EML6: variants seen among roughly 807,000 people sequenced by gnomAD.
The protein encoded by EML6 is EMAP like 6.
Under a neutral mutation model 240.1 loss-of-function variants are expected in EML6, and 154 were observed. The observed-to-expected ratio is 0.64, with a 90% confidence interval of 0.56 to 0.73. The LOEUF (loss-of-function observed/expected upper bound fraction) is 0.73, where lower values mean the gene tolerates loss of function less well. Among genes scored for constraint, EML6 ranks in the 30% least tolerant of loss-of-function variants. EML6 has a pLI of 0.00. For missense variants in EML6, 2,964 were observed against 2,474.6 expected, an observed-to-expected ratio of 1.20 and a Z score of -4.20; for synonymous variants, 1,148 against 899.0, an observed-to-expected ratio of 1.28 and a Z score of -4.95.
At chr2:54,843,865 C>G (rs1400711990) in intron 7 of EML6, among the ~76,000 whole-genome samples, 182 bp from the exon 8 acceptor site, 3 of 140,050 alleles carry the variant, frequency 2.1e-5, no homozygotes, top group South Asian at 4.5e-4. Flanking sequence ...AAAAAAAAAG[C>G]ACAAAGAATG....
chr2:54,746,305 G>A (rs1197877341), intron 2 of EML6, among the ~76,000 whole-genome samples: 2 of 152,198 alleles, frequency 1.3e-5, no homozygotes, highest in Non-Finnish European at 2.9e-5. Context: ...GAAGGTGCAG[G>A]TTGACCATCG....
At chr2:54,794,265 A>T (rs1199754107) in intron 2 of EML6, among the ~76,000 whole-genome samples, 1 of 152,168 alleles carries the variant, frequency 6.6e-6, no homozygotes, top group Non-Finnish European at 1.5e-5. Flanking sequence ...TCAGCTGCCT[A>T]TTCATCTTTA....
At chr2:54,862,090 C>T (rs1670703905) in intron 12 of EML6, among the ~76,000 whole-genome samples, 1 of 151,902 alleles carries the variant, frequency 6.6e-6, no homozygotes, top group East Asian at 1.9e-4. Context: ...AATCCCAGCA[C>T]TTTGGGAGGC....
intron 21 of EML6, among the ~76,000 whole-genome samples, chr2:54,898,342 G>A (rs1263109304): frequency 6.6e-6 from 1 of 152,076 alleles, no homozygotes; most frequent in African/African-American, 2.4e-5. Flanking sequence ...CCACAATCTT[G>A]TTCTTAACTA....
intron 17 of EML6, among the ~76,000 whole-genome samples, chr2:54,888,229 CG>C (rs1300112890): frequency 6.6e-6 from 1 of 152,012 alleles, no homozygotes; most frequent in Non-Finnish European, 1.5e-5. Flanking sequence ...GCAGTGTGGC[CG>C]GGAGACATGA....
intron 17 of EML6, among the ~76,000 whole-genome samples, chr2:54,889,321 C>G (rs888828361): frequency 6.6e-6 from 1 of 151,832 alleles, no homozygotes; most frequent in Non-Finnish European, 1.5e-5. Flanking sequence ...TTGTCTAACT[C>G]CAGATTAAAC....
At chr2:54,793,009 T>G (rs1468516479) in intron 2 of EML6, among the ~76,000 whole-genome samples, 1 of 152,222 alleles carries the variant, frequency 6.6e-6, no homozygotes, top group Non-Finnish European at 1.5e-5. Flanking sequence ...GGCTCTCAAC[T>G]ATAATCTCAG....
At chr2:54,892,988 C>T (rs897144834) in intron 19 of EML6, among the ~76,000 whole-genome samples, 5 of 152,282 alleles carry the variant, frequency 3.3e-5, no homozygotes, top group Middle Eastern at 3.4e-3. Flanking sequence ...GCATTGTCTT[C>T]CTCCTTGGTG....
At chr2:54,849,741 G>A (rs745487665) in intron 9 of EML6, among the ~76,000 whole-genome samples, 3 of 152,198 alleles carry the variant, frequency 2.0e-5, no homozygotes, top group Non-Finnish European at 4.4e-5. Context: ...GTCTGCCTCG[G>A]CCTCCCAAAG....
chr2:54,932,517 C>T lies in EML6; in HGVS notation c.4004+3766C>T, dbSNP rs143843057. Among the ~76,000 whole-genome samples the T allele has an allele frequency of 5.3e-5, 8 of 152,162 alleles. No individual in the cohort carries two copies. In the South Asian group the frequency reaches 6.2e-4, roughly 12 times the overall value. ...AAGTGCCACGCCCCAACCTGACACA[C>T]CTCTTACTCTCAACTTTTGACCTTA... On this transcript the variant is annotated intron_variant, in intron 28 of 41. Transcript: ENST00000356458.
chr2:54,815,011 T>C (rs775851369), intron 3 of EML6, among the ~76,000 whole-genome samples: 5 of 152,234 alleles, frequency 3.3e-5, no homozygotes, highest in Non-Finnish European at 5.9e-5. Context: ...TGTACAAGTA[T>C]AAATGTATGC....
At chr2:54,893,382 A>G (rs1185463355) in intron 19 of EML6, among the ~76,000 whole-genome samples, 1 of 152,142 alleles carries the variant, frequency 6.6e-6, no homozygotes, top group Non-Finnish European at 1.5e-5. Context: ...TGTGTTACCC[A>G]ATGGCTGAAG....
chr2:54,728,644 G>GA (rs999987271), intron 2 of EML6, among the ~76,000 whole-genome samples: 8 of 152,186 alleles, frequency 5.3e-5, no homozygotes, highest in Non-Finnish European at 1.0e-4. Flanking sequence ...GTAACTATTA[G>GA]AAAAAAATGT....
chr2:54,900,547 A>G (rs1478261037), intron 22 of EML6, among the ~76,000 whole-genome samples: 1 of 152,208 alleles, frequency 6.6e-6, no homozygotes, highest in Non-Finnish European at 1.5e-5. Flanking sequence ...GCAACCTTGA[A>G]TATGAGAGCC....
intron 14 of EML6, chr2:54,868,509 G>A (rs564702792): frequency 2.0e-5 from 3 of 152,242 alleles, no homozygotes; most frequent in African/African-American, 7.2e-5. Context: ...AAATAATTAG[G>A]TAAGAATGGA....
chr2:54,859,160 T>C (rs543903226), intron 11 of EML6, among the ~76,000 whole-genome samples: 3 of 152,216 alleles, frequency 2.0e-5, no homozygotes, highest in Admixed American at 6.5e-5. Flanking sequence ...TTTATTTCCA[T>C]AGAATTATTT....
At chr2:54,944,025 C>T (rs929438940) in intron 28 of EML6, among the ~76,000 whole-genome samples, 3 of 152,158 alleles carry the variant, frequency 2.0e-5, no homozygotes, top group African/African-American at 7.2e-5. Flanking sequence ...TTCTCAGTGT[C>T]TCACCTCTGC....
At chr2:54,731,210 G>A (rs1683151805) in intron 2 of EML6, among the ~76,000 whole-genome samples, 1 of 152,138 alleles carries the variant, frequency 6.6e-6, no homozygotes, top group South Asian at 2.1e-4. Flanking sequence ...AAAGACCAAG[G>A]TCATTGTAAT....
chr2:54,805,887 A>G (rs1304196826), intron 2 of EML6, among the ~76,000 whole-genome samples: 1 of 152,112 alleles, frequency 6.6e-6, no homozygotes, highest in Non-Finnish European at 1.5e-5. Flanking sequence ...TTGTTCCAGC[A>G]CTGTCTGTTG....
Sources: gnomAD v4.1 joint callset for allele counts (sites outside exome capture counted in the v4.1 genomes callset) on GRCh38, gnomAD v4.1.1 for gene constraint, MANE v1.5 for transcripts, NCBI Gene and HGNC (gene_info 2026-07-23, HGNC 2026-07-21) for gene names.